NFATC2: variants seen among roughly 807,000 people sequenced by gnomAD.
NFATC2 encodes the protein nuclear factor of activated T-cells, cytoplasmic 2.
Under a neutral mutation model 87.3 loss-of-function variants are expected in NFATC2, and 22 were observed. The observed-to-expected ratio is 0.25, with a 90% CI of 0.18 to 0.36. NFATC2 has a LOEUF of 0.36. NFATC2 is among the 10% of genes least tolerant of loss of function. NFATC2 has a pLI of 1.00. For missense variants in NFATC2, 1,149 were observed against 1,259.1 expected (o/e 0.91, Z 1.32); for synonymous variants, 565 against 542.2 (o/e 1.04, Z -0.58).
At chr20:51,468,334 T>C (rs1987885056) in intron 5 of NFATC2, among the ~76,000 whole-genome samples, 1 of 152,058 alleles carries the variant, frequency 6.6e-6, no homozygotes, top group East Asian at 1.9e-4. Flanking sequence ...TATATATATA[T>C]GTCACAAAGA....
chr20:51,391,826 TA>T (rs559405362), intron 10 of NFATC2, among the ~76,000 whole-genome samples: 1 of 152,186 alleles, frequency 6.6e-6, no homozygotes, highest in Non-Finnish European at 1.5e-5. Flanking sequence ...CTATTTTTTT[TA>T]AATACTTTTT....
chr20:51,459,974 T>C (rs1483267830), intron 5 of NFATC2, among the ~76,000 whole-genome samples: 1 of 152,214 alleles, frequency 6.6e-6, no homozygotes, highest in Non-Finnish European at 1.5e-5. Context: ...CTTCATGTAC[T>C]GAATTGCATA....
chr20:51,545,656 T>A (rs2076883152), upstream of NFATC2, among the ~76,000 whole-genome samples: 1 of 151,910 alleles, frequency 6.6e-6, no homozygotes, highest in South Asian at 2.1e-4. Context: ...GATGGGTGAA[T>A]GGAAGATGGA....
chr20:51,506,416 CTT>C (rs2076180679), intron 3 of NFATC2, among the ~76,000 whole-genome samples: 1 of 152,156 alleles, frequency 6.6e-6, no homozygotes, highest in Admixed American at 6.5e-5. Context: ...GAATGAATGA[CTT>C]TGACATTCGC....
At chr20:51,497,567 A>C (rs1452575845) in intron 3 of NFATC2, among the ~76,000 whole-genome samples, 1 of 152,090 alleles carries the variant, frequency 6.6e-6, no homozygotes, top group Non-Finnish European at 1.5e-5. Context: ...TTGGGTACTC[A>C]TGGCTTATTC....
chr20:51,452,664 C>T (rs565820896), intron 6 of NFATC2, among the ~76,000 whole-genome samples: 1 of 152,306 alleles, frequency 6.6e-6, no homozygotes, highest in Non-Finnish European at 1.5e-5. Flanking sequence ...ACACAGACCT[C>T]CTCTCCTGTG....
chr20:51,448,784 G>A (rs190499197), intron 6 of NFATC2, among the ~76,000 whole-genome samples: 2 of 152,364 alleles, frequency 1.3e-5, no homozygotes, highest in Admixed American at 1.3e-4. Flanking sequence ...TGGCCAAGTG[G>A]CAGGGAGAGA....
chr20:51,533,321 C>T (rs2076666843), intron 1 of NFATC2, among the ~76,000 whole-genome samples: 2 of 152,216 alleles, frequency 1.3e-5, no homozygotes, highest in Admixed American at 1.3e-4. Flanking sequence ...ATCTGACACT[C>T]AGCAAACTTT....
intron 9 of NFATC2, among the ~76,000 whole-genome samples, chr20:51,429,631 G>A (rs984282437): frequency 1.6e-4 from 24 of 152,226 alleles, no homozygotes; most frequent in African/African-American, 5.3e-4. Context: ...CCTGGAGCGT[G>A]CGATGCGCTC....
chr20:51,524,163 C>A lies in NFATC2; in HGVS notation c.131-53G>T. 4 of 1,397,898 alleles carry A rather than the reference C, an allele frequency of 2.9e-6. No homozygotes were observed. The highest frequency in any genetic ancestry group is 2.9e-5 in the Admixed American group (1 of 34,502). The allele number at this position is 1,397,898 out of a possible 1,614,324, so 86.6% of individuals were successfully genotyped here. ...TTTTTAAGCCTCAAAAACAGAACTC[C>A]CGGTGCAGAGCAATCACAGGCTGGA... On this transcript the variant is annotated intron_variant, in intron 1 of 10. Transcript: ENST00000371564. This position sits in a 1 kb window ranked among gnomAD's most constrained non-coding sequence, Gnocchi z 4.0.
chr20:51,411,402 A>C (rs13039138), intron 9 of NFATC2, among the ~76,000 whole-genome samples: 3 of 151,962 alleles, frequency 2.0e-5, no homozygotes, highest in African/African-American at 7.3e-5. Flanking sequence ...TACTAGCCCC[A>C]GTGTTCTTTA....
chr20:51,394,581 C>T (rs565492502), intron 10 of NFATC2, among the ~76,000 whole-genome samples: 3 of 152,166 alleles, frequency 2.0e-5, no homozygotes, highest in Non-Finnish European at 4.4e-5. Context: ...CCCTGCTGCG[C>T]TGATGCTCTC....
chr20:51,456,471 G>A (rs920809823), intron 5 of NFATC2, among the ~76,000 whole-genome samples: 1 of 152,142 alleles, frequency 6.6e-6, no homozygotes, highest in African/African-American at 2.4e-5. Context: ...AATCTCTTAG[G>A]TTAACTAGCC....
At chr20:51,517,631 A>G (rs568597888) in intron 2 of NFATC2, among the ~76,000 whole-genome samples, 1 of 151,584 alleles carries the variant, frequency 6.6e-6, no homozygotes, top group African/African-American at 2.4e-5. Context: ...AAAAAACAAC[A>G]CAAGGCTGGG....
intron 9 of NFATC2, among the ~76,000 whole-genome samples, chr20:51,426,947 C>A (rs1600708004): frequency 6.6e-6 from 1 of 152,160 alleles, no homozygotes; most frequent in African/African-American, 2.4e-5. Flanking sequence ...TAAGAATAAG[C>A]AGACTGATTT....
rs766076766 is a variant in NFATC2, at chr20:51,542,352, G to C, written c.130+18C>G. On this transcript the variant is annotated intron_variant, in intron 1 of 10. Transcript: ENST00000371564. ...CCTGGCGGGCTCAGGGGCCAGGCCA[G>C]GGGTAGCCTCCACCGACCTTCGTTC... is the stretch of plus-strand genomic sequence containing the variant. 3.7e-6 allele frequency: 6 copies of C among 1,602,978 alleles called. No individual in the cohort carries two copies. Among genetic ancestry groups the C allele is most frequent in the Non-Finnish European group, 5.1e-6 (6 of 1,174,448 alleles).
chr20:51,522,111 C>T (rs113430784), intron 2 of NFATC2, among the ~76,000 whole-genome samples: 41 of 152,230 alleles, frequency 2.7e-4, no homozygotes, highest in African/African-American at 9.2e-4. Flanking sequence ...CATAAGGGAC[C>T]TGAGCATCCT....
intron 9 of NFATC2, among the ~76,000 whole-genome samples, chr20:51,429,998 T>C (rs1982452279): frequency 6.6e-6 from 1 of 151,948 alleles, no homozygotes; most frequent in African/African-American, 2.4e-5. Flanking sequence ...TCAGCTGCTT[T>C]CTCTGTAACA....
At chr20:51,497,585 C>A (rs1179483288) in intron 3 of NFATC2, among the ~76,000 whole-genome samples, 1 of 152,164 alleles carries the variant, frequency 6.6e-6, no homozygotes, top group African/African-American at 2.4e-5. Context: ...TTCCACGCCT[C>A]CCCCCATGAT....
Sources: allele counts gnomAD v4.1 joint callset (sites outside exome capture counted in the v4.1 genomes callset), GRCh38; gene constraint gnomAD v4.1.1; non-coding constraint Gnocchi (gnomAD v3.1); transcripts MANE v1.5; gene names NCBI Gene and HGNC (gene_info 2026-07-23, HGNC 2026-07-21).